Variants in SLC9A9 observed in about 807,000 individuals in gnomAD.
SLC9A9 encodes solute carrier family 9 member A9.
In SLC9A9, 62 loss-of-function variants were observed where a neutral mutation model predicts 77.8. That is an observed-to-expected ratio of 0.80 (90% CI 0.65 to 0.98). The LOEUF is 0.98. Ranked by LOEUF, SLC9A9 falls within the 50% of genes least tolerant of loss-of-function variation. The pLI is 0.00. For synonymous variants in SLC9A9, 320 were observed against 283.5 expected, an observed-to-expected ratio of 1.13 and a Z score of -1.29; for missense variants, 775 against 774.9, an observed-to-expected ratio of 1.00 and a Z score of 0.00.
At chr3:143,662,942 T>C (rs1029126744) in intron 5 of SLC9A9, among the ~76,000 whole-genome samples, 2 of 152,108 alleles carry the variant, frequency 1.3e-5, no homozygotes, top group East Asian at 3.9e-4. Context: ...ACAGTGGTTC[T>C]CCCAGCACAG....
intron 9 of SLC9A9, among the ~76,000 whole-genome samples, chr3:143,508,159 T>A (rs1686923586): frequency 6.6e-6 from 1 of 152,216 alleles, no homozygotes; most frequent in South Asian, 2.1e-4. Flanking sequence ...AACAACTGTT[T>A]AAGACATGAC....
rs531585951 is a variant in SLC9A9, at chr3:143,633,963, G to C, written c.755+18292C>G. On this transcript the variant is annotated intron_variant, in intron 6 of 15. Transcript: ENST00000316549. ...CACTATCTATTAAAACACCCAAACT[G>C]TTGCCTTTATATTGGAGGAACAATC... Among the ~76,000 whole-genome samples the C allele has an allele frequency of 5.3e-5, 8 of 152,248 alleles. No individual in the cohort carries two copies. In the South Asian group the frequency reaches 1.7e-3, roughly 32 times the overall value.
At chr3:143,492,216 T>TG (rs1282718630) in intron 11 of SLC9A9, among the ~76,000 whole-genome samples, 2 of 142,504 alleles carry the variant, frequency 1.4e-5, no homozygotes, top group African/African-American at 2.7e-5. Flanking sequence ...GACATGAACC[T>TG]GGGGGGCAGA....
intron 6 of SLC9A9, among the ~76,000 whole-genome samples, chr3:143,606,745 A>G (rs1027378947): frequency 1.8e-4 from 28 of 152,092 alleles, no homozygotes; most frequent in African/African-American, 6.5e-4. Context: ...GATCTGAGGG[A>G]ATCATCCAGA....
intron 4 of SLC9A9, among the ~76,000 whole-genome samples, chr3:143,788,836 G>T (rs2008134745): frequency 6.6e-6 from 1 of 151,104 alleles, no homozygotes; most frequent in African/African-American, 2.4e-5. Flanking sequence ...AACATATAAA[G>T]AACTCTGCCA....
intron 12 of SLC9A9, among the ~76,000 whole-genome samples, chr3:143,396,781 C>T (rs557405807): frequency 1.3e-5 from 2 of 152,132 alleles, no homozygotes; most frequent in East Asian, 1.9e-4. Flanking sequence ...TACCTTACCT[C>T]ACCTGTGATT....
At chr3:143,833,066 A>G (rs4839612) in intron 1 of SLC9A9, among the ~76,000 whole-genome samples, 143,289 of 152,160 alleles carry the variant, frequency 0.94, 67,645 homozygotes, top group East Asian at 1. Context: ...TGCTCATGGC[A>G]ATCTGATAAC....
intron 12 of SLC9A9, among the ~76,000 whole-genome samples, chr3:143,428,948 A>G (rs116670412): frequency 0.033 from 5,090 of 152,280 alleles, 312 homozygotes; most frequent in African/African-American, 0.12. Flanking sequence ...AGGCTGGTCA[A>G]TAGGTACAAA....
chr3:143,477,460 C>T (rs1009153646), intron 11 of SLC9A9, among the ~76,000 whole-genome samples: 3 of 149,110 alleles, frequency 2.0e-5, no homozygotes, highest in Non-Finnish European at 3.0e-5. Flanking sequence ...TGACAAGCTG[C>T]CAGGTGATGC....
At position 143,733,893 on chromosome 3, in the gene SLC9A9, G is replaced by C. The variant is rs574136012; in HGVS notation, c.534-40586C>G. Among the ~76,000 whole-genome samples, 29 of 152,142 alleles carry C rather than the reference G, an allele frequency of 1.9e-4. No individual in the cohort carries two copies. The South Asian group carries it at 2.9e-3, about 15-fold the overall frequency. On this transcript the variant is annotated intron_variant, in intron 4 of 15. Coordinates refer to ENST00000316549, the MANE Select transcript of SLC9A9 (RefSeq NM_173653.4). Reference sequence around the variant, plus strand: ...ACTTTGAACTGACTGAGGATAACTCGAATTGACTAAGAAAACCTTGAGACT... The same window carrying C: ...ACTTTGAACTGACTGAGGATAACTCCAATTGACTAAGAAAACCTTGAGACT...
At chr3:143,430,269 G>A (rs2034487906) in intron 12 of SLC9A9, among the ~76,000 whole-genome samples, 1 of 152,180 alleles carries the variant, frequency 6.6e-6, no homozygotes, top group South Asian at 2.1e-4. Context: ...TTAATGCACA[G>A]CCACAAGTTC....
chr3:143,488,823 T>A (rs2035695766), intron 11 of SLC9A9, among the ~76,000 whole-genome samples: 1 of 151,828 alleles, frequency 6.6e-6, no homozygotes, highest in Non-Finnish European at 1.5e-5. Flanking sequence ...TATTCTAAGG[T>A]CAGGAATAAG....
intron 9 of SLC9A9, among the ~76,000 whole-genome samples, chr3:143,497,463 A>C (rs1304978908): frequency 6.6e-6 from 1 of 152,190 alleles, no homozygotes; most frequent in Non-Finnish European, 1.5e-5. Context: ...GTTTGGGCCC[A>C]AGAAAATTCC....
chr3:143,637,442 A>G (rs1010423485), intron 6 of SLC9A9, among the ~76,000 whole-genome samples: 1 of 152,208 alleles, frequency 6.6e-6, no homozygotes, highest in African/African-American at 2.4e-5. Flanking sequence ...AAGCAAAAAG[A>G]ATGTAAAAAC....
intron 6 of SLC9A9, among the ~76,000 whole-genome samples, chr3:143,587,555 G>C (rs1302816057): frequency 6.6e-6 from 1 of 152,250 alleles, no homozygotes; most frequent in Admixed American, 6.5e-5. Flanking sequence ...GGAGGACAGT[G>C]GTGGGAGTCA....
In SLC9A9 at chr3:143,832,053, ATGT is replaced by A. The variant is rs1197841045; in HGVS notation, c.341_343del (p.Asn114del). On this transcript the variant is annotated inframe_deletion, in exon 2 of 16. Coordinates refer to ENST00000316549, the MANE Select transcript of SLC9A9 (RefSeq NM_173653.4). ...TATAGCATTTCCTTGATGAGGATTG[ATGT>A]TGTGCTGACTTATTTCTCTTTTGTA... The A allele has an allele frequency of 6.2e-7, 1 of 1,612,872 alleles. No homozygotes were observed. Among genetic ancestry groups the A allele is most frequent in the East Asian group, 2.2e-5 (1 of 44,790 alleles).
At chr3:143,472,155 C>T (rs2035388252) in intron 11 of SLC9A9, among the ~76,000 whole-genome samples, 1 of 152,198 alleles carries the variant, frequency 6.6e-6, no homozygotes, top group Non-Finnish European at 1.5e-5. Context: ...ATATGCTAAG[C>T]TTTATCCCAG....
intron 8 of SLC9A9, among the ~76,000 whole-genome samples, chr3:143,555,457 G>A (rs1445689465): frequency 6.6e-6 from 1 of 152,162 alleles, no homozygotes; most frequent in Non-Finnish European, 1.5e-5. Flanking sequence ...CCAGGCACAT[G>A]GTAGGCACTC....
intron 12 of SLC9A9, among the ~76,000 whole-genome samples, chr3:143,383,991 A>G (rs2033362190): frequency 6.6e-6 from 1 of 152,154 alleles, no homozygotes; most frequent in South Asian, 2.1e-4. Context: ...CTCTCTAACC[A>G]AGGGAACAAA....
Sources: gnomAD v4.1 joint callset for allele counts (sites outside exome capture counted in the v4.1 genomes callset) on GRCh38, gnomAD v4.1.1 for gene constraint, MANE v1.5 for transcripts, NCBI Gene and HGNC (gene_info 2026-07-23, HGNC 2026-07-21) for gene names.